The following SLC38A10 variants were observed in gnomAD, a reference collection of about 807,000 sequenced individuals.
The protein encoded by SLC38A10 is Sodium-coupled neutral amino acid transporter 10.
SLC38A10 carries 53 observed loss-of-function variants against 81.0 expected under a neutral mutation model. The observed-to-expected ratio is 0.65, with a 90% CI of 0.53 to 0.82. The LOEUF (loss-of-function observed/expected upper bound fraction) is 0.82, where lower values mean the gene tolerates loss of function less well. Ranked by LOEUF, SLC38A10 falls within the 40% of genes least tolerant of loss-of-function variation. The pLI is 0.00. For synonymous variants in SLC38A10, 665 were observed against 655.3 expected (o/e 1.01, Z -0.23); for missense variants, 1,471 against 1,545.0 (o/e 0.95, Z 0.80).
Position 81,289,943 on chromosome 17 carries a change from A to G in SLC38A10, c.100-135T>C. Reference sequence around the variant, plus strand: ...ATCCCAGTCTCCTGCCGAACGCGACACTTCCTAGCACTGAAAGGGCCATTT... The same window carrying G: ...ATCCCAGTCTCCTGCCGAACGCGACGCTTCCTAGCACTGAAAGGGCCATTT... On this transcript the variant is annotated intron_variant, in intron 1 of 15. Coordinates refer to ENST00000374759, the MANE Select transcript of SLC38A10 (RefSeq NM_001037984.3). The surrounding 1 kb of genome is among the most constrained non-coding windows in gnomAD (Gnocchi z 5.9). 1 of 657,224 alleles carries G rather than the reference A, an allele frequency of 1.5e-6. No individual in the cohort carries two copies. Among genetic ancestry groups the G allele is most frequent in the Non-Finnish European group, 2.4e-6 (1 of 408,338 alleles). The allele number at this position is 657,224 out of a possible 1,614,324, so 40.7% of individuals were successfully genotyped here. A position where few individuals can be genotyped will look rare whatever the true frequency, so the allele number is the denominator to read the frequency against.
Position 81,253,283 on chromosome 17 carries a change from T to A in SLC38A10, c.1289-43A>T, listed in dbSNP as rs772932266. On this transcript the variant is annotated intron_variant, in intron 11 of 15. Coordinates refer to ENST00000374759, the MANE Select transcript of SLC38A10 (RefSeq NM_001037984.3). This position sits in a 1 kb window ranked among gnomAD's most constrained non-coding sequence, Gnocchi z 4.1. ...TTAGGGAACTGCACTGCCAAGCAGC[T>A]CCAGGAGCGGGGCAGCTCTCCCTGG... 1.9e-5 allele frequency: 30 copies of A among 1,600,794 alleles called. No homozygotes were observed. Among genetic ancestry groups the A allele is most frequent in the Non-Finnish European group, 2.6e-5 (30 of 1,170,884 alleles).
chr17:81,295,013 G>A lies in SLC38A10; in HGVS notation c.-92C>T, dbSNP rs8081747. 48,906 of 1,420,332 alleles carry A rather than the reference G, an allele frequency of 0.034. 1,766 individuals are homozygous for A. Among genetic ancestry groups the A allele is most frequent in the African/African-American group, 0.16 (10,775 of 66,834 alleles). The allele number at this position is 1,420,332 out of a possible 1,614,324, so 88.0% of individuals were successfully genotyped here. ...GCCCAGCCCGAGGCCACGGTCACAG[G>A]TCCCAACGTCCGGGACGCCGGTGGG... is the stretch of plus-strand genomic sequence containing the variant. On this transcript the variant is annotated 5_prime_UTR_variant, in exon 1 of 16. Transcript: ENST00000374759.
rs376571865 is a variant in SLC38A10, at chr17:81,277,136, G to C, written c.627-3C>G. ...TGTCGTAGGTGGGCAGCACCTGGCT[G>C]TATAGAAACAGGCCATTTCACAGCG... On this transcript the variant is annotated splice_region_variant and splice_polypyrimidine_tract_variant and intron_variant, in intron 6 of 15. Transcript: ENST00000374759. This position sits in a 1 kb window ranked among gnomAD's most constrained non-coding sequence, Gnocchi z 4.5. 6.2e-7 allele frequency: 1 copy of C among 1,613,626 alleles called. No individual in the cohort carries two copies. Among genetic ancestry groups the C allele is most frequent in the East Asian group, 2.2e-5 (1 of 44,862 alleles).
rs759474419 is a variant in SLC38A10 at position 81,245,590 on chromosome 17, A to T, written c.3326T>A (p.Leu1109His). Residue 1109 changes from leucine to histidine, a missense_variant, in exon 16 of 16, where the codon CTT becomes CAT. Transcript: ENST00000374759. ...GALQVVHSRQ[L>H]RQAPGPPEES ...CTCTGGAGGCCCAGGCGCCTGTCTAAGCTGCCGGCTGTGGACCACCTGCAG... is the reference window on the plus strand; with the variant it reads ...CTCTGGAGGCCCAGGCGCCTGTCTATGCTGCCGGCTGTGGACCACCTGCAG... 11 of 1,611,166 alleles carry T rather than the reference A, an allele frequency of 6.8e-6. No homozygotes were observed. In the Admixed American group the frequency reaches 1.8e-4, roughly 27 times the overall value.
chr17:81,267,028 C>G (rs990992515), intron 10 of SLC38A10, among the ~76,000 whole-genome samples: 1 of 152,188 alleles, frequency 6.6e-6, no homozygotes, highest in African/African-American at 2.4e-5. Flanking sequence ...GTCACAACTC[C>G]GTGAGTGTTA....
chr17:81,289,750 G>A lies in SLC38A10; in HGVS notation c.158C>T (p.Ser53Leu). The change falls in exon 2 of 16, where the codon TCG (serine) becomes TTG (leucine). Residue 53 changes from serine to leucine, a missense_variant. Ser to Leu is a moderately radical substitution (Grantham distance 145). Around this residue, in one of 2 missense-constraint regions of SLC38A10, gnomAD observed 720 missense variants for 827.7 expected, o/e 0.87. Transcript: ENST00000374759. This position sits in a 1 kb window ranked among gnomAD's most constrained non-coding sequence, Gnocchi z 5.9. Reference protein sequence around the residue: ...LVFCSWMTHQSCMFLVKSASL... With the variant: ...LVFCSWMTHQLCMFLVKSASL... ...GGCCGACTTCACCAAGAACATGCAC[G>A]ACTGGTGCGTCATCCATGAGCAGAA... 1.2e-6 allele frequency: 2 copies of A among 1,611,482 alleles called. No homozygotes were observed. The highest frequency in any genetic ancestry group is 1.7e-6 in the Non-Finnish European group (2 of 1,179,636).
chr17:81,251,282 G>A, intron 14 of SLC38A10: 1 of 1,605,598 alleles, frequency 6.2e-7, no homozygotes, highest in African/African-American at 1.4e-5. Context: ...GTGTTTAAAG[G>A]GGAGTAAGGC....
chr17:81,283,558 G>GGC lies in SLC38A10; in HGVS notation c.264-57_264-56insGC. On this transcript the variant is annotated intron_variant, in intron 3 of 15. Transcript: ENST00000374759. The surrounding 1 kb of genome is among the most constrained non-coding windows in gnomAD (Gnocchi z 4.7). The stretch of plus-strand genomic sequence containing the variant: ...CATCAGGGCAAGCTGGCACACACCT[G>GGC]GGCTGCCGCCAGGGACTACCCCAAG... 7.1e-7 allele frequency: 1 copy of GGC among 1,414,150 alleles called. No individual in the cohort carries two copies. The highest frequency in any genetic ancestry group is 9.8e-7 in the Non-Finnish European group (1 of 1,015,628). 87.6% of individuals were successfully genotyped at this position (1,414,150 alleles called of 1,614,324 possible). A position where few individuals can be genotyped will look rare whatever the true frequency, so the allele number is the denominator to read the frequency against.
chr17:81,293,489 A>T (rs1025935575), intron 1 of SLC38A10, among the ~76,000 whole-genome samples: 2 of 148,706 alleles, frequency 1.3e-5, no homozygotes, highest in Admixed American at 1.3e-4. Flanking sequence ...TTTTTTTTTT[A>T]GAGATGGGGT....
chr17:81,261,346 A>T (rs947543108), intron 10 of SLC38A10, among the ~76,000 whole-genome samples: 1 of 152,216 alleles, frequency 6.6e-6, no homozygotes, highest in Non-Finnish European at 1.5e-5. Flanking sequence ...GGCCTGGCCC[A>T]GCACAAGCTG....
intron 5 of SLC38A10, 60 bp from the exon 6 acceptor site, chr17:81,280,793 C>T: frequency 6.5e-7 from 1 of 1,549,712 alleles, no homozygotes; most frequent in Non-Finnish European, 8.7e-7. Context: ...GACTCAGCAT[C>T]CCGGCCCACG....
At position 81,268,053 on chromosome 17, in the gene SLC38A10, C is replaced by T. The variant is rs369830081; in HGVS notation, c.1131+2865G>A. On this transcript the variant is annotated intron_variant, in intron 10 of 15. Coordinates refer to ENST00000374759, the MANE Select transcript of SLC38A10 (RefSeq NM_001037984.3). The stretch of plus-strand genomic sequence containing the variant: ...GTGTGCAAAAATCTCCCCCAAAGCA[C>T]TTGCCAGCTATCAGCTATGCAGAGA... Among the ~76,000 whole-genome samples the T allele has an allele frequency of 4.3e-4, 66 of 151,768 alleles. No individual in the cohort carries two copies. In the East Asian group the frequency reaches 5.1e-3, roughly 12 times the overall value.
At chr17:81,282,965 G>A (rs926705412) in intron 4 of SLC38A10, among the ~76,000 whole-genome samples, 8 of 152,184 alleles carry the variant, frequency 5.3e-5, no homozygotes, top group Non-Finnish European at 1.0e-4. Flanking sequence ...GTGTGGGCCC[G>A]TCAGGTGGGC....
rs1276610386 is a variant in SLC38A10 at position 81,251,538 on chromosome 17, C to T, written c.2020G>A (p.Asp674Asn). Residue 674 changes from aspartate to asparagine, a missense_variant, in exon 14 of 16, where the codon GAC (aspartate) becomes AAC (asparagine). Asp to Asn is a conservative substitution (Grantham distance 23). Coordinates refer to ENST00000374759, the MANE Select transcript of SLC38A10 (RefSeq NM_001037984.3). ...TGGTTTCCACCCGCTCGCTCCACGT[C>T]CCTCTGCTCGCGAGGCTCGGGCGGC... Reference protein sequence around the residue: ...GLPPEPREQRDVERAGGNQAA... With the variant: ...GLPPEPREQRNVERAGGNQAA... The T allele has an allele frequency of 1.9e-6, 3 of 1,553,788 alleles. No homozygotes were observed. Among genetic ancestry groups the T allele is most frequent in the Non-Finnish European group, 2.6e-6 (3 of 1,154,514 alleles).
chr17:81,245,940 G>A lies in SLC38A10; in HGVS notation c.2976C>T (p.Asp992=). 1.9e-6 allele frequency: 3 copies of A among 1,608,692 alleles called. No individual in the cohort carries two copies. The highest frequency in any genetic ancestry group is 2.5e-6 in the Non-Finnish European group (3 of 1,177,272). ...HLEMRKARGG[D]HVPVSHEQPR... ...GCTGCTCGTGGGACACAGGCACATG[G>A]TCCCCCCCGCGGGCCTTTCTCATCT... Residue 992 remains aspartate (D), a synonymous_variant, in exon 16 of 16, where the codon GAC becomes GAT. Coordinates refer to ENST00000374759, the MANE Select transcript of SLC38A10 (RefSeq NM_001037984.3).
chr17:81,291,816 C>T (rs1468962602), intron 1 of SLC38A10, among the ~76,000 whole-genome samples: 2 of 152,180 alleles, frequency 1.3e-5, no homozygotes, highest in Non-Finnish European at 2.9e-5. Flanking sequence ...GGCGGTGCAG[C>T]GGACACCAGA....
chr17:81,272,793 G>A (rs113463345), intron 8 of SLC38A10, among the ~76,000 whole-genome samples, 166 bp from the exon 9 acceptor site: 4 of 152,302 alleles, frequency 2.6e-5, no homozygotes, highest in African/African-American at 9.6e-5. Flanking sequence ...ATCAGATCTG[G>A]CTGAGCAACT....
At chr17:81,284,615 G>A (rs893152516) in intron 3 of SLC38A10, among the ~76,000 whole-genome samples, 3 of 152,230 alleles carry the variant, frequency 2.0e-5, no homozygotes, top group Non-Finnish European at 4.4e-5. Context: ...GAGGAATGGT[G>A]TTGAGAGACT....
chr17:81,275,923 C>T (rs763832742), intron 8 of SLC38A10, 46 bp downstream of exon 8: 18 of 1,569,052 alleles, frequency 1.1e-5, no homozygotes, highest in Non-Finnish European at 8.7e-6. Context: ...GGGAAGCGAG[C>T]CTGACCTGTG....
Sources: gnomAD v4.1 joint callset for allele counts (sites outside exome capture counted in the v4.1 genomes callset) on GRCh38, gnomAD v4.1.1 for gene constraint, gnomAD v4.1.1 regional missense constraint, Gnocchi (gnomAD v3.1) non-coding constraint, MANE v1.5 for transcripts, NCBI Gene and HGNC (gene_info 2026-07-23, HGNC 2026-07-21) for gene names.